The following GLIS3 variants were observed in gnomAD, a reference collection of about 807,000 sequenced individuals.
GLIS3 encodes GLIS family zinc finger 3.
In GLIS3, 53 loss-of-function variants were observed where a neutral mutation model predicts 78.6. The observed-to-expected ratio is 0.67, with a 90% CI of 0.54 to 0.85. The LOEUF is 0.85. Ranked by LOEUF, GLIS3 falls within the 40% of genes least tolerant of loss-of-function variation. The probability of loss-of-function intolerance (pLI) is 0.00; values close to 1 mark genes in which losing one functional copy is unlikely to be tolerated. For missense variants in GLIS3, 1,703 were observed against 1,231.1 expected (o/e 1.38, Z -5.74); for synonymous variants, 684 against 509.9 (o/e 1.34, Z -4.60).
chr9:4,189,134 A>T (rs1264505866), intron 2 of GLIS3, among the ~76,000 whole-genome samples: 1 of 150,452 alleles, frequency 6.6e-6, no homozygotes, highest in Non-Finnish European at 1.5e-5. Flanking sequence ...GTGGGCATTT[A>T]GTGCTATAAA....
chr9:4,338,641 G>A (rs554469804), intron 2 of GLIS3, among the ~76,000 whole-genome samples: 19 of 152,196 alleles, frequency 1.2e-4, no homozygotes, highest in Non-Finnish European at 2.2e-4. Flanking sequence ...TGTTCTGCAT[G>A]AAGTTTGGGG....
At chr9:3,847,494 A>G (rs912450773) in intron 9 of GLIS3, among the ~76,000 whole-genome samples, 3 of 152,272 alleles carry the variant, frequency 2.0e-5, no homozygotes, top group Non-Finnish European at 2.9e-5. Context: ...AGTTGATTCA[A>G]TCATTTAATA....
Position 4,059,829 on chromosome 9 carries a change from T to TGTGTGTGTGTGTGAGA in GLIS3, c.1710+57938_1710+57939insTCTCACACACACACAC. ...TTGTGTGTGTGTGTGTGTGTGTGTG[T>TGTGTGTGTGTGTGAGA]GAGAGAGAGAGAGAGAGAGAGAGAG... On this transcript the variant is annotated intron_variant, in intron 4 of 10. Transcript: ENST00000381971. Among the ~76,000 whole-genome samples, 73 of 100,704 alleles carry TGTGTGTGTGTGTGAGA rather than the reference T, an allele frequency of 7.2e-4. 1 individual carries two copies. Among genetic ancestry groups the TGTGTGTGTGTGTGAGA allele is most frequent in the South Asian group, 5.6e-3 (14 of 2,488 alleles). The allele number at this position is 100,704 out of a possible 152,430, so 66.1% of individuals were successfully genotyped here.
At chr9:4,153,465 G>A (rs1472056251) in intron 2 of GLIS3, among the ~76,000 whole-genome samples, 3 of 152,148 alleles carry the variant, frequency 2.0e-5, no homozygotes, top group Non-Finnish European at 4.4e-5. Flanking sequence ...TTAGGAGGCT[G>A]AGGAAGGAGA....
chr9:4,066,038 A>AT (rs1827067730), intron 4 of GLIS3, among the ~76,000 whole-genome samples: 3 of 59,828 alleles, frequency 5.0e-5, no homozygotes, highest in African/African-American at 1.0e-4. Context: ...CCCAAAGAAT[A>AT]TAAAAAAAAA....
At chr9:4,005,167 G>A (rs1172752243) in intron 4 of GLIS3, among the ~76,000 whole-genome samples, 1 of 152,196 alleles carries the variant, frequency 6.6e-6, no homozygotes, top group Non-Finnish European at 1.5e-5. Flanking sequence ...TGAAATAACT[G>A]TTGTAAGAGA....
At chr9:4,266,295 T>A (rs959096803) in intron 2 of GLIS3, among the ~76,000 whole-genome samples, 3 of 152,064 alleles carry the variant, frequency 2.0e-5, no homozygotes, top group African/African-American at 7.2e-5. Context: ...AAAAAAATCT[T>A]TGCTTCAAGC....
intron 4 of GLIS3, among the ~76,000 whole-genome samples, chr9:4,033,886 A>AAAAAAAAAAAAAAC (rs1185830960): frequency 1.3e-5 from 2 of 149,600 alleles, no homozygotes; most frequent in African/African-American, 5.0e-5. Context: ...AAAAAAAAAA[A>AAAAAAAAAAAAAAC]AAAACTAGAA....
chr9:4,255,365 C>G (rs1049446293), intron 2 of GLIS3, among the ~76,000 whole-genome samples: 1 of 152,176 alleles, frequency 6.6e-6, no homozygotes, highest in Non-Finnish European at 1.5e-5. Flanking sequence ...TCCTTGGTAT[C>G]ACCCAAAGGA....
chr9:4,211,225 T>C (rs1820345123), intron 2 of GLIS3, among the ~76,000 whole-genome samples: 3 of 152,234 alleles, frequency 2.0e-5, no homozygotes, highest in Admixed American at 2.0e-4. Context: ...AATCTTTATA[T>C]GCATTTCCAT....
chr9:3,955,646 C>A (rs1817051228), intron 4 of GLIS3, among the ~76,000 whole-genome samples: 3 of 152,088 alleles, frequency 2.0e-5, no homozygotes, highest in Admixed American at 2.0e-4. Context: ...CAGATTCTTA[C>A]CAAATAGGGT....
chr9:3,942,600 G>C (rs1816009324), intron 4 of GLIS3, among the ~76,000 whole-genome samples: 2 of 152,240 alleles, frequency 1.3e-5, no homozygotes, highest in African/African-American at 4.8e-5. Flanking sequence ...CACTTGAGGA[G>C]AGGTGAGAAA....
intron 2 of GLIS3, among the ~76,000 whole-genome samples, chr9:4,263,076 A>G (rs1339269455): frequency 6.6e-6 from 1 of 152,182 alleles, no homozygotes; most frequent in East Asian, 1.9e-4. Flanking sequence ...TTTCTGGTTT[A>G]CATTTCACAG....
At chr9:3,905,999 G>A (rs183352947) in intron 6 of GLIS3, among the ~76,000 whole-genome samples, 52 of 152,310 alleles carry the variant, frequency 3.4e-4, no homozygotes, top group Non-Finnish European at 7.2e-4. Flanking sequence ...TGAATGAAGC[G>A]ATGGAGCAAG....
chr9:4,365,817 C>T, the GLIS3 span, among the ~76,000 whole-genome samples: 1 of 152,176 alleles, frequency 6.6e-6, no homozygotes, highest in Non-Finnish European at 1.5e-5. Context: ...AAAATGTCAC[C>T]ACCAAGTATT....
rs1391214576 is a variant in GLIS3, at chr9:4,008,962, G to A, written c.1711-71773C>T. On this transcript the variant is annotated intron_variant, in intron 4 of 10. Coordinates refer to ENST00000381971, the MANE Select transcript of GLIS3 (RefSeq NM_001042413.2). ...TAGGGCTCTTTCCACTACAGCATGTGTTCTTCACAGGTTGGCTTTCTGCAG... is the reference window on the plus strand; with the variant it reads ...TAGGGCTCTTTCCACTACAGCATGTATTCTTCACAGGTTGGCTTTCTGCAG... 2.0e-5 allele frequency among the ~76,000 whole-genome samples: 3 copies of A among 152,182 alleles called. No homozygotes were observed. The South Asian group carries it at 6.2e-4, about 32-fold the overall frequency.
chr9:3,945,575 T>A (rs1015834003), intron 4 of GLIS3, among the ~76,000 whole-genome samples: 2 of 152,168 alleles, frequency 1.3e-5, no homozygotes, highest in Non-Finnish European at 2.9e-5. Context: ...CCCTGCTTGC[T>A]CCAATACCTC....
At chr9:4,393,473 T>C in the GLIS3 span, among the ~76,000 whole-genome samples, 6 of 152,204 alleles carry the variant, frequency 3.9e-5, 1 homozygote, top group Admixed American at 3.3e-4. Flanking sequence ...CCTCTCTTCA[T>C]CCATTGCCTT....
chr9:4,029,344 T>C (rs900396688), intron 4 of GLIS3, among the ~76,000 whole-genome samples: 7 of 151,262 alleles, frequency 4.6e-5, no homozygotes, highest in Admixed American at 1.3e-4. Context: ...TCATAGTAGG[T>C]GTATATATTT....
Sources: allele counts gnomAD v4.1 joint callset (sites outside exome capture counted in the v4.1 genomes callset), GRCh38; gene constraint gnomAD v4.1.1; transcripts MANE v1.5; gene names NCBI Gene and HGNC (gene_info 2026-07-23, HGNC 2026-07-21).